Variants in ATP1A1 observed in about 807,000 individuals in gnomAD.
ATP1A1 encodes the protein sodium/potassium-transporting ATPase subunit alpha-1.
Under a neutral mutation model 114.8 loss-of-function variants are expected in ATP1A1, and 14 were observed. That is an observed-to-expected ratio of 0.12 (90% CI 0.08 to 0.19). ATP1A1 has a LOEUF of 0.19. Among genes scored for constraint, ATP1A1 ranks in the 10% least tolerant of loss-of-function variants. The pLI is 1.00. For synonymous variants in ATP1A1, 471 were observed against 466.3 expected (o/e 1.01, Z -0.13); for missense variants, 524 against 1,290.7 (o/e 0.41, Z 9.10).
In ATP1A1 at chr1:116,384,088, C is replaced by T; in HGVS notation, c.87C>T (p.Asp29=). ...GDKKGKKGKK[D]RDMDELKKEV... is the part of the protein sequence containing the mutation. ...AAAAGGGCAAAAAGGGCAAAAAAGACAGGGACATGGATGAACTGAAGAAAG... is the reference window on the plus strand; with the variant it reads ...AAAAGGGCAAAAAGGGCAAAAAAGATAGGGACATGGATGAACTGAAGAAAG... Residue 29 remains aspartate, a synonymous_variant, in exon 2 of 23, where the codon GAC becomes GAT. Transcript: ENST00000295598. The surrounding 1 kb of genome is among the most constrained non-coding windows in gnomAD (Gnocchi z 5.1). 6.2e-7 allele frequency: 1 copy of T among 1,614,032 alleles called. No homozygotes were observed.
chr1:116,395,898 C>T lies in ATP1A1; in HGVS notation c.1836+613C>T, dbSNP rs1286907051. On this transcript the variant is annotated intron_variant, in intron 13 of 22. Transcript: ENST00000295598. The surrounding 1 kb of genome is among the most constrained non-coding windows in gnomAD (Gnocchi z 6.4). ...TCCCAAGTAGCTGGAATTACAGGCA[C>T]CCGCTACCACGCCCAGCTAATTTTT... is the stretch of plus-strand genomic sequence containing the variant. Among the ~76,000 whole-genome samples, 1 of 152,104 alleles carries T rather than the reference C, an allele frequency of 6.6e-6. No individual in the cohort carries two copies. Among genetic ancestry groups the T allele is most frequent in the Non-Finnish European group, 1.5e-5 (1 of 68,022 alleles).
In ATP1A1 at chr1:116,384,934, C is replaced by T; in HGVS notation, c.183+92C>T. On this transcript the variant is annotated intron_variant, in intron 3 of 22. Coordinates refer to ENST00000295598, the MANE Select transcript of ATP1A1 (RefSeq NM_000701.8). This position sits in a 1 kb window ranked among gnomAD's most constrained non-coding sequence, Gnocchi z 5.1. ...ACATACAGGTCTAACCTCAGGGGCT[C>T]TAGTAAGAAAATGACAGACACCATC... 7.8e-7 allele frequency: 1 copy of T among 1,280,112 alleles called. No homozygotes were observed. The highest frequency in any genetic ancestry group is 1.1e-6 in the Non-Finnish European group (1 of 886,058). 79.3% of individuals were successfully genotyped at this position (1,280,112 alleles called of 1,614,324 possible).
In ATP1A1 at chr1:116,403,932, A is replaced by G. The variant is rs754902079; in HGVS notation, c.3000A>G (p.Val1000=). The G allele has an allele frequency of 2.5e-6, 4 of 1,614,098 alleles. No homozygotes were observed. The highest frequency in any genetic ancestry group is 3.4e-6 in the Non-Finnish European group (4 of 1,180,036). The part of the protein sequence containing the change: ...CAFPYSLLIF[V]YDEVRKLIIR... ...TCCCCTACTCTCTTCTCATCTTCGT[A>G]TATGACGAAGTCAGAAAACTCATCA... The change falls in exon 22 of 23, where the codon GTA becomes GTG. Residue 1000 remains valine (V), a synonymous_variant. Coordinates refer to ENST00000295598, the MANE Select transcript of ATP1A1 (RefSeq NM_000701.8).
At chr1:116,374,139 G>C (rs1032612380) in intron 1 of ATP1A1, 17 of 1,546,446 alleles carry the variant, frequency 1.1e-5, no homozygotes, top group Non-Finnish European at 1.4e-5. Context: ...AGAGGCGGCC[G>C]CCCTCCCCCA....
chr1:116,379,257 T>A (rs1315352497), intron 1 of ATP1A1, among the ~76,000 whole-genome samples: 1 of 152,210 alleles, frequency 6.6e-6, no homozygotes, highest in Non-Finnish European at 1.5e-5. Context: ...TATACTAAAC[T>A]GGGCTCACAA....
At chr1:116,382,658 T>C (rs528015840) in intron 1 of ATP1A1, 1 of 152,264 alleles carries the variant, frequency 6.6e-6, no homozygotes, top group Admixed American at 6.5e-5. Flanking sequence ...CTCCTTGGAG[T>C]CTTAAGAGGA....
chr1:116,374,129 A>G (rs1000690709), intron 1 of ATP1A1: 116 of 1,544,698 alleles, frequency 7.5e-5, no homozygotes, highest in Middle Eastern at 2.3e-4. Flanking sequence ...TGCTCCGCGC[A>G]GAGGCGGCCG....
In ATP1A1 at chr1:116,395,122, T is replaced by G; in HGVS notation, c.1673T>G (p.Leu558Arg). 7.4e-6 allele frequency: 12 copies of G among 1,613,838 alleles called. No homozygotes were observed. Among genetic ancestry groups the G allele is most frequent in the Non-Finnish European group, 9.3e-6 (11 of 1,179,848 alleles). The change falls in exon 13 of 23, where the codon CTC (leucine) becomes CGC (arginine). Residue 558 changes from leucine to arginine, a missense_variant. Physicochemically the swap from Leu to Arg is moderately radical, Grantham distance 102. Coordinates refer to ENST00000295598, the MANE Select transcript of ATP1A1 (RefSeq NM_000701.8). The surrounding 1 kb of genome is among the most constrained non-coding windows in gnomAD (Gnocchi z 6.4). ...GTCCTCCTCGCAGGTTTCTGCCACC[T>G]CTTTCTGCCAGATGAACAGTTTCCT... is the stretch of plus-strand genomic sequence containing the variant. ...LGERVLGFCH[L>R]FLPDEQFPEG...
At chr1:116,375,426 A>T (rs1651301482) in intron 1 of ATP1A1, among the ~76,000 whole-genome samples, 1 of 152,264 alleles carries the variant, frequency 6.6e-6, no homozygotes, top group Non-Finnish European at 1.5e-5. Context: ...CCATTTATCT[A>T]GATGTCTCCT....
At chr1:116,373,555 C>G in intron 1 of ATP1A1, 32 bp downstream of exon 1, 2 of 1,433,304 alleles carry the variant, frequency 1.4e-6, no homozygotes, top group Non-Finnish European at 1.8e-6. Context: ...GGAGGGGGCT[C>G]GGGGAGCCCT....
chr1:116,382,174 A>C (rs74897411), intron 1 of ATP1A1, among the ~76,000 whole-genome samples: 5,238 of 152,144 alleles, frequency 0.034, 301 homozygotes, highest in African/African-American at 0.11. Context: ...CTCCATCCCC[A>C]AAAAAAAGAA....
chr1:116,400,898 T>G lies in ATP1A1; in HGVS notation c.2610T>G (p.Phe870Leu), dbSNP rs749535308. The G allele has an allele frequency of 6.2e-7, 1 of 1,614,220 alleles. No homozygotes were observed. The highest frequency in any genetic ancestry group is 8.5e-7 in the Non-Finnish European group (1 of 1,180,032). The change falls in exon 19 of 23, where the codon TTT (phenylalanine) becomes TTG (leucine). Residue 870 changes from phenylalanine to leucine, a missense_variant. Physicochemically the swap from Phe to Leu is conservative, Grantham distance 22. Coordinates refer to ENST00000295598, the MANE Select transcript of ATP1A1 (RefSeq NM_000701.8). ...CCCTGGGAGGCTTCTTTACTTACTT[T>G]GTGATTCTGGCTGAGAACGGCTTCC... is the stretch of plus-strand genomic sequence containing the variant. The part of the protein sequence containing the change: ...IQALGGFFTY[F>L]VILAENGFLP...
At chr1:116,379,538 C>G (rs1380396522) in intron 1 of ATP1A1, among the ~76,000 whole-genome samples, 1 of 152,158 alleles carries the variant, frequency 6.6e-6, no homozygotes, top group Non-Finnish European at 1.5e-5. Flanking sequence ...CATTTAGGAG[C>G]AAATGGAGAT....
intron 1 of ATP1A1, among the ~76,000 whole-genome samples, chr1:116,379,682 T>C (rs909750847): frequency 1.7e-4 from 26 of 152,184 alleles, no homozygotes; most frequent in African/African-American, 6.0e-4. Flanking sequence ...AAGCGAAAAA[T>C]GGCAGTAATG....
In ATP1A1 at chr1:116,384,892, A is replaced by G; in HGVS notation, c.183+50A>G. The G allele has an allele frequency of 6.3e-7, 1 of 1,581,854 alleles. No homozygotes were observed. The highest frequency in any genetic ancestry group is 8.7e-7 in the Non-Finnish European group (1 of 1,150,930). ...GTACAAAATCCTAGTTTTCCGTATT[A>G]TATTTTCCCCTGTATTACATACAGG... is the stretch of plus-strand genomic sequence containing the variant. On this transcript the variant is annotated intron_variant, in intron 3 of 22. Transcript: ENST00000295598. This position sits in a 1 kb window ranked among gnomAD's most constrained non-coding sequence, Gnocchi z 5.1.
rs550887716 is a variant in ATP1A1 at position 116,382,004 on chromosome 1, G to A, written c.13-2010G>A. 1.4e-4 allele frequency among the ~76,000 whole-genome samples: 22 copies of A among 152,172 alleles called. No individual in the cohort carries two copies. In the South Asian group the frequency reaches 3.1e-3, roughly 22 times the overall value. ...AGCCTGGCCAAGATGGTGAAACCCC[G>A]TCTCTACTAAAAATACAAAAATTAG... On this transcript the variant is annotated intron_variant, in intron 1 of 22. Coordinates refer to ENST00000295598, the MANE Select transcript of ATP1A1 (RefSeq NM_000701.8).
intron 21 of ATP1A1, among the ~76,000 whole-genome samples, chr1:116,402,513 C>T (rs1021358384): frequency 4.6e-5 from 7 of 152,324 alleles, no homozygotes; most frequent in African/African-American, 1.7e-4. Flanking sequence ...AACCAAAACC[C>T]ATCAGCCTCA....
chr1:116,373,917 C>G (rs1232015217), intron 1 of ATP1A1: 3 of 1,309,886 alleles, frequency 2.3e-6, no homozygotes, highest in African/African-American at 3.1e-5. Context: ...GCCTGGCTCC[C>G]CTCCCTGCGA....
Position 116,390,444 on chromosome 1 carries a change from C to CTGCTGA in ATP1A1, c.1222+34_1222+39dup, listed in dbSNP as rs773328586. ...CAGGGTTACCACACACCTCAGCCAC[C>CTGCTGA]TGCTGACTTCGCTTGGTTTTTTTTC... is the stretch of plus-strand genomic sequence containing the variant. On this transcript the variant is annotated intron_variant, in intron 9 of 22. Coordinates refer to ENST00000295598, the MANE Select transcript of ATP1A1 (RefSeq NM_000701.8). 25 of 1,568,156 alleles carry CTGCTGA rather than the reference C, an allele frequency of 1.6e-5. 1 individual carries two copies. In the Admixed American group the frequency reaches 4.7e-4, roughly 29 times the overall value.
Sources: allele counts gnomAD v4.1 joint callset (sites outside exome capture counted in the v4.1 genomes callset), GRCh38; gene constraint gnomAD v4.1.1; non-coding constraint Gnocchi (gnomAD v3.1); transcripts MANE v1.5; gene names NCBI Gene and HGNC (gene_info 2026-07-23, HGNC 2026-07-21).